The following RALYL variants were observed in gnomAD, a reference collection of about 807,000 sequenced individuals.
RALYL encodes RALY RNA binding protein like, also known as RNA-binding Raly-like protein.
A neutral mutation model predicts 35.1 loss-of-function variants in RALYL; 29 were observed. The observed-to-expected ratio is 0.83, with a 90% CI of 0.61 to 1.13. The LOEUF (loss-of-function observed/expected upper bound fraction) is 1.13, where lower values mean the gene tolerates loss of function less well. Among genes scored for constraint, RALYL ranks in the 50% most tolerant of loss-of-function variants. The probability of loss-of-function intolerance (pLI) is 0.00; values close to 1 mark genes in which losing one functional copy is unlikely to be tolerated. For missense variants in RALYL, 359 were observed against 360.4 expected (o/e 1.00, Z 0.03); for synonymous variants, 120 against 127.6 (o/e 0.94, Z 0.40).
chr8:84,264,442 T>C (rs1832886623), intron 1 of RALYL, among the ~76,000 whole-genome samples: 1 of 151,342 alleles, frequency 6.6e-6, no homozygotes, highest in Non-Finnish European at 1.5e-5. Flanking sequence ...TTGCCCACTT[T>C]TTAATGGTTT....
At chr8:84,844,583 T>C (rs1834192255) in intron 4 of RALYL, among the ~76,000 whole-genome samples, 1 of 152,154 alleles carries the variant, frequency 6.6e-6, no homozygotes, top group Non-Finnish European at 1.5e-5. Flanking sequence ...GATCCAGAAC[T>C]AGAAATACCA....
At chr8:84,424,875 C>G (rs1351596170) in intron 1 of RALYL, among the ~76,000 whole-genome samples, 1 of 151,758 alleles carries the variant, frequency 6.6e-6, no homozygotes, top group Admixed American at 6.6e-5. Flanking sequence ...GGTCAGGGGT[C>G]AGGGACCCAC....
chr8:84,826,788 C>T (rs2134315423), intron 4 of RALYL, among the ~76,000 whole-genome samples: 1 of 152,006 alleles, frequency 6.6e-6, no homozygotes. Flanking sequence ...CCCCGCCACA[C>T]ACACTCACAA....
intron 2 of RALYL, among the ~76,000 whole-genome samples, chr8:84,701,964 C>T (rs575502556): frequency 1.8e-4 from 26 of 143,074 alleles, no homozygotes; most frequent in Non-Finnish European, 3.6e-4. Context: ...TTAATCAGGA[C>T]ACTATGTCTC....
intron 1 of RALYL, among the ~76,000 whole-genome samples, chr8:84,303,099 A>G (rs978326994): frequency 7.9e-5 from 12 of 152,222 alleles, no homozygotes; most frequent in Admixed American, 2.6e-4. Flanking sequence ...ATTATTCTTC[A>G]TATGTGTCTA....
intron 3 of RALYL, 40 bp downstream of exon 3, chr8:84,774,694 A>G (rs1169285973): frequency 3.7e-6 from 5 of 1,367,930 alleles, no homozygotes; most frequent in Non-Finnish European, 5.1e-6. Flanking sequence ...ATATTAGTGA[A>G]ATTTTCTTGC....
At chr8:84,701,627 G>A (rs559584652) in intron 2 of RALYL, among the ~76,000 whole-genome samples, 1 of 152,280 alleles carries the variant, frequency 6.6e-6, no homozygotes, top group East Asian at 1.9e-4. Flanking sequence ...TTGGAGGAAA[G>A]GATGAGGGCT....
At chr8:84,525,393 T>C (rs1204653392) in intron 1 of RALYL, among the ~76,000 whole-genome samples, 3 of 152,200 alleles carry the variant, frequency 2.0e-5, no homozygotes, top group Non-Finnish European at 4.4e-5. Flanking sequence ...TTTTTTCCAA[T>C]GCCTGACAGC....
chr8:84,679,775 A>G, intron 2 of RALYL: 2 of 516,088 alleles, frequency 3.9e-6, no homozygotes, highest in Admixed American at 4.0e-5. Flanking sequence ...GCACTGATGA[A>G]GCCAGGGAAA....
intron 2 of RALYL, among the ~76,000 whole-genome samples, chr8:84,732,683 TACACAC>T (rs1554553642): frequency 3.0e-5 from 4 of 133,224 alleles, no homozygotes; most frequent in East Asian, 2.0e-4. Flanking sequence ...TATATATATA[TACACAC>T]ACACACACAT....
At chr8:84,619,422 C>CT (rs1192933788) in intron 2 of RALYL, among the ~76,000 whole-genome samples, 1 of 148,000 alleles carries the variant, frequency 6.8e-6, no homozygotes, top group Non-Finnish European at 1.5e-5. Context: ...CAACCCCTGC[C>CT]TTTTTTTGTT....
intron 8 of RALYL, among the ~76,000 whole-genome samples, chr8:84,907,351 C>G (rs1846705480): frequency 7.1e-6 from 1 of 140,830 alleles, no homozygotes. Flanking sequence ...CACACACACA[C>G]AGTGAAAAAC....
intron 2 of RALYL, among the ~76,000 whole-genome samples, chr8:84,658,679 C>T (rs368058350): frequency 2.0e-5 from 3 of 151,610 alleles, no homozygotes; most frequent in Non-Finnish European, 4.4e-5. Flanking sequence ...GAAGCCTCTT[C>T]GTATATGAGC....
chr8:84,308,304 G>A (rs1232757538), intron 1 of RALYL, among the ~76,000 whole-genome samples: 1 of 152,070 alleles, frequency 6.6e-6, no homozygotes, highest in Admixed American at 6.5e-5. Context: ...ACATACCAGA[G>A]TGAAACAAGT....
At chr8:84,801,051 C>T (rs1823127830) in intron 3 of RALYL, among the ~76,000 whole-genome samples, 2 of 152,288 alleles carry the variant, frequency 1.3e-5, no homozygotes, top group South Asian at 4.2e-4. Flanking sequence ...CATACCAAGC[C>T]TAGAGAAGCT....
In RALYL at chr8:84,746,653, A is replaced by G. The variant is rs139754932; in HGVS notation, c.257-27926A>G. On this transcript the variant is annotated intron_variant, in intron 2 of 8. Coordinates refer to ENST00000521268, the MANE Select transcript of RALYL (RefSeq NM_173848.7). ...ATAAATATTTATTTCATAATAAGAA[A>G]TTACATACAAATGTTCCACTATTCC... Among the ~76,000 whole-genome samples the G allele has an allele frequency of 1.1e-3, 162 of 152,120 alleles. 2 individuals carry two copies. Among genetic ancestry groups the G allele is most frequent in the Admixed American group, 1.2e-3 (19 of 15,238 alleles).
At chr8:84,513,042 T>G (rs1404197321) in intron 1 of RALYL, among the ~76,000 whole-genome samples, 1 of 152,164 alleles carries the variant, frequency 6.6e-6, no homozygotes, top group East Asian at 1.9e-4. Context: ...ATTTTAGTAT[T>G]CCATTTCTGT....
intron 2 of RALYL, among the ~76,000 whole-genome samples, chr8:84,735,811 CGAGAGAGAGAGAGA>C (rs59842702): frequency 2.7e-5 from 3 of 111,310 alleles, no homozygotes; most frequent in Non-Finnish European, 6.1e-5. Flanking sequence ...ATCCAAACCG[CGAGAGAGAGAGAGA>C]GAGAGAGAGA....
chr8:84,729,903 AC>A (rs1396195669), intron 2 of RALYL, among the ~76,000 whole-genome samples: 3 of 152,290 alleles, frequency 2.0e-5, no homozygotes, highest in Admixed American at 6.5e-5. Context: ...TCGCTTACCA[AC>A]CAAAAAGAGT....
Sources: allele counts gnomAD v4.1 joint callset (sites outside exome capture counted in the v4.1 genomes callset), GRCh38; gene constraint gnomAD v4.1.1; transcripts MANE v1.5; gene names NCBI Gene and HGNC (gene_info 2026-07-23, HGNC 2026-07-21).